RAB10: variants seen among roughly 807,000 people sequenced by gnomAD.
RAB10 encodes RAB10, member RAS oncogene family.
Under a neutral mutation model 25.7 loss-of-function variants are expected in RAB10, and 5 were observed. The ratio of observed to expected loss-of-function variants is 0.19; its 90% CI spans 0.10 to 0.41. RAB10 has a LOEUF of 0.41. Among genes scored for constraint, RAB10 ranks in the 10% least tolerant of loss-of-function variants. The pLI is 1.00. For missense variants in RAB10, 103 were observed against 245.8 expected, an observed-to-expected ratio of 0.42 and a Z score of 3.89; for synonymous variants, 89 against 86.4, an observed-to-expected ratio of 1.03 and a Z score of -0.16.
intron 1 of RAB10, among the ~76,000 whole-genome samples, chr2:26,069,645 G>A (rs1047672966): frequency 2.0e-5 from 3 of 151,778 alleles, no homozygotes; most frequent in Non-Finnish European, 4.4e-5. Flanking sequence ...CAGTCTGGGC[G>A]GCAGAGCGAG....
chr2:26,127,257 ACTCTG>A lies in RAB10; in HGVS notation c.417+30_417+34del, dbSNP rs951643801. 14 of 1,497,208 alleles carry A rather than the reference ACTCTG, an allele frequency of 9.4e-6. No individual in the cohort carries two copies. The African/African-American group carries it at 1.1e-4, about 12-fold the overall frequency. 92.7% of individuals were successfully genotyped at this position (1,497,208 alleles called of 1,614,324 possible). A position where few individuals can be genotyped will look rare whatever the true frequency, so the allele number is the denominator to read the frequency against. On this transcript the variant is annotated intron_variant, in intron 4 of 5. Coordinates refer to ENST00000264710, the MANE Select transcript of RAB10 (RefSeq NM_016131.5). ...AGGTAAAAATCTGAATTAAACTGAT[ACTCTG>A]CTCTGTCTTTGTAAAGGTAATGCTA...
intron 1 of RAB10, among the ~76,000 whole-genome samples, chr2:26,070,372 C>T (rs905520073): frequency 2.0e-5 from 3 of 152,174 alleles, no homozygotes; most frequent in Non-Finnish European, 4.4e-5. Flanking sequence ...CTGTTTTTCA[C>T]CTGTTTTAAA....
intron 1 of RAB10, among the ~76,000 whole-genome samples, chr2:26,090,969 C>T (rs1413252472): frequency 2.0e-5 from 3 of 151,186 alleles, no homozygotes; most frequent in South Asian, 2.1e-4. Context: ...TCTGATATCT[C>T]ATTGGAACCT....
chr2:26,109,753 G>A lies in RAB10; in HGVS notation c.189-15G>A. ...ATCAAAATGCTTAATAGAAATTATT[G>A]GCTGTTTATTTCAGGGATACAGCAG... is the stretch of plus-strand genomic sequence containing the variant. On this transcript the variant is annotated splice_polypyrimidine_tract_variant and intron_variant, in intron 2 of 5. Transcript: ENST00000264710. 6.5e-7 allele frequency: 1 copy of A among 1,536,740 alleles called. No homozygotes were observed. The highest frequency in any genetic ancestry group is 8.7e-7 in the Non-Finnish European group (1 of 1,148,830).
intron 3 of RAB10, among the ~76,000 whole-genome samples, chr2:26,120,654 A>T (rs906779146): frequency 6.6e-6 from 1 of 150,770 alleles, no homozygotes. Flanking sequence ...CAGTGGTGCT[A>T]TCTTGGCTCA....
rs551414439 is a variant in RAB10 at position 26,118,066 on chromosome 2, G to A, written c.327+8160G>A. 1.1e-4 allele frequency among the ~76,000 whole-genome samples: 16 copies of A among 152,046 alleles called. No individual in the cohort carries two copies. The East Asian group carries it at 2.1e-3, about 20-fold the overall frequency. ...CAGCTCACTGCAAACTCCACCTCCC[G>A]GATTCAAGTGGTTCTCCTGCCTCAG... On this transcript the variant is annotated intron_variant, in intron 3 of 5. Transcript: ENST00000264710.
intron 1 of RAB10, among the ~76,000 whole-genome samples, chr2:26,093,396 A>G (rs908638785): frequency 6.6e-6 from 1 of 152,108 alleles, no homozygotes; most frequent in Non-Finnish European, 1.5e-5. Flanking sequence ...TGTCAGCAAT[A>G]TGGATCAAAC....
At chr2:26,111,322 T>TG (rs1169421695) in intron 3 of RAB10, among the ~76,000 whole-genome samples, 4 of 152,104 alleles carry the variant, frequency 2.6e-5, no homozygotes, top group Non-Finnish European at 5.9e-5. Context: ...ACACAGATCT[T>TG]GGCTGGGCGC....
At chr2:26,091,403 A>G (rs183442560) in intron 1 of RAB10, among the ~76,000 whole-genome samples, 21 of 152,220 alleles carry the variant, frequency 1.4e-4, no homozygotes, top group African/African-American at 4.8e-4. Flanking sequence ...GGTTAGGGGA[A>G]TAGTACCTTT....
At chr2:26,082,860 A>G (rs899020078) in intron 1 of RAB10, among the ~76,000 whole-genome samples, 3 of 152,194 alleles carry the variant, frequency 2.0e-5, no homozygotes, top group East Asian at 1.9e-4. Flanking sequence ...ATAATTGCAA[A>G]CCAAATCCAG....
rs1665721578 is a variant in RAB10 at position 26,034,568 on chromosome 2, C to G, written c.-41C>G. 6.2e-7 allele frequency: 1 copy of G among 1,611,748 alleles called. No individual in the cohort carries two copies. The highest frequency in any genetic ancestry group is 1.3e-5 in the African/African-American group (1 of 74,886). On this transcript the variant is annotated 5_prime_UTR_variant, in exon 1 of 6. Transcript: ENST00000264710. Reference sequence around the variant, plus strand: ...TGGCCGTAGTGAGAGGGACCGATCCCTTGGGGCCGCCGGCGGCGAGAGCCC... The same window carrying G: ...TGGCCGTAGTGAGAGGGACCGATCCGTTGGGGCCGCCGGCGGCGAGAGCCC...
At chr2:26,044,141 A>G (rs528278386) in intron 1 of RAB10, among the ~76,000 whole-genome samples, 1 of 152,322 alleles carries the variant, frequency 6.6e-6, no homozygotes, top group East Asian at 1.9e-4. Context: ...TGGCAAATTT[A>G]ATGTTATGTT....
chr2:26,135,426 G>C lies in RAB10; in HGVS notation c.*405G>C, dbSNP rs1275364699. The C allele has an allele frequency of 1.9e-5, 3 of 156,188 alleles. No individual in the cohort carries two copies. Among genetic ancestry groups the C allele is most frequent in the Non-Finnish European group, 4.3e-5 (3 of 70,524 alleles). 9.7% of individuals were successfully genotyped at this position (156,188 alleles called of 1,614,324 possible). A position where few individuals can be genotyped will look rare whatever the true frequency, so the allele number is the denominator to read the frequency against. On this transcript the variant is annotated 3_prime_UTR_variant, in exon 6 of 6. Coordinates refer to ENST00000264710, the MANE Select transcript of RAB10 (RefSeq NM_016131.5). ...ATTTTCTGTCATGGATAATGTGCTT[G>C]AGTCCCTATAATCTATAGACATGTG... is the stretch of plus-strand genomic sequence containing the variant.
intron 2 of RAB10, among the ~76,000 whole-genome samples, chr2:26,108,227 G>C (rs1476663046): frequency 6.6e-6 from 1 of 152,126 alleles, no homozygotes. Context: ...CTTTGTTATA[G>C]CCAAAAACTG....
chr2:26,091,562 T>C (rs1194091712), intron 1 of RAB10, among the ~76,000 whole-genome samples: 1 of 152,138 alleles, frequency 6.6e-6, no homozygotes. Flanking sequence ...TGTAGGGCCT[T>C]ATTTATGGAT....
chr2:26,107,920 A>G (rs1667499763), intron 2 of RAB10, among the ~76,000 whole-genome samples: 1 of 152,288 alleles, frequency 6.6e-6, no homozygotes, highest in African/African-American at 2.4e-5. Flanking sequence ...AATGTTCACC[A>G]TCTTAGCCAC....
At chr2:26,077,822 A>C (rs184287542) in intron 1 of RAB10, among the ~76,000 whole-genome samples, 1 of 152,228 alleles carries the variant, frequency 6.6e-6, no homozygotes, top group Admixed American at 6.6e-5. Flanking sequence ...TGTTAAAAAT[A>C]CAAAAAATTA....
In RAB10 at chr2:26,109,912, A is replaced by T. The variant is rs1458075398; in HGVS notation, c.327+6A>T. On this transcript the variant is annotated splice_donor_region_variant and intron_variant, in intron 3 of 5. Coordinates refer to ENST00000264710, the MANE Select transcript of RAB10 (RefSeq NM_016131.5). Reference sequence around the variant, plus strand: ...GGCTTAGAAACATAGATGAGGTAAGACCTAGAACTTGTATAAACCCTTCAT... The same window carrying T: ...GGCTTAGAAACATAGATGAGGTAAGTCCTAGAACTTGTATAAACCCTTCAT... The T allele has an allele frequency of 6.3e-7, 1 of 1,594,000 alleles. No individual in the cohort carries two copies. Among genetic ancestry groups the T allele is most frequent in the Non-Finnish European group, 8.5e-7 (1 of 1,172,256 alleles).
chr2:26,131,749 C>T (rs1294686167), intron 5 of RAB10, among the ~76,000 whole-genome samples: 1 of 152,066 alleles, frequency 6.6e-6, no homozygotes, highest in Non-Finnish European at 1.5e-5. Flanking sequence ...TGTCCCACCC[C>T]ACCCCCACAA....
Sources: allele counts gnomAD v4.1 joint callset (sites outside exome capture counted in the v4.1 genomes callset), GRCh38; gene constraint gnomAD v4.1.1; transcripts MANE v1.5; gene names NCBI Gene and HGNC (gene_info 2026-07-23, HGNC 2026-07-21).